Variants in CWC27 observed in about 807,000 individuals in gnomAD.
CWC27 encodes spliceosome-associated protein CWC27 homolog.
A neutral mutation model predicts 63.6 loss-of-function variants in CWC27; 47 were observed. The observed-to-expected ratio is 0.74, with a 90% CI of 0.58 to 0.94. CWC27 has a LOEUF of 0.94. Ranked by LOEUF, CWC27 falls within the 40% of genes least tolerant of loss-of-function variation. CWC27 has a pLI of 0.00. For synonymous variants in CWC27, 175 were observed against 179.8 expected, an observed-to-expected ratio of 0.97 and a Z score of 0.22; for missense variants, 495 against 554.3, an observed-to-expected ratio of 0.89 and a Z score of 1.07.
chr5:65,005,076 T>TC (rs1420674528), intron 13 of CWC27, among the ~76,000 whole-genome samples: 1 of 151,626 alleles, frequency 6.6e-6, no homozygotes, highest in African/African-American at 2.4e-5. Flanking sequence ...GTGTAGGCTG[T>TC]GGTGAGGCTT....
chr5:64,983,247 CA>C (rs1256568512), intron 13 of CWC27, among the ~76,000 whole-genome samples: 1 of 152,072 alleles, frequency 6.6e-6, no homozygotes, highest in African/African-American at 2.4e-5. Flanking sequence ...GCCTGCAAAA[CA>C]AAAAATTTAG....
chr5:64,836,284 G>A (rs1014457266), intron 10 of CWC27, among the ~76,000 whole-genome samples: 4 of 151,834 alleles, frequency 2.6e-5, no homozygotes, highest in Admixed American at 6.6e-5. Flanking sequence ...TTCATTTGTG[G>A]CTCTAGAAGA....
At chr5:64,912,201 G>A (rs1461146487) in intron 11 of CWC27, among the ~76,000 whole-genome samples, 2 of 152,068 alleles carry the variant, frequency 1.3e-5, no homozygotes, top group African/African-American at 4.8e-5. Flanking sequence ...TTTAGGCACT[G>A]GTAGAAGCCA....
At position 64,788,947 on chromosome 5, in the gene CWC27, C is replaced by A; in HGVS notation, c.600-4C>A. The A allele has an allele frequency of 1.3e-6, 2 of 1,534,982 alleles. No homozygotes were observed. Among genetic ancestry groups the A allele is most frequent in the Non-Finnish European group, 8.8e-7 (1 of 1,137,794 alleles). On this transcript the variant is annotated splice_polypyrimidine_tract_variant and splice_region_variant and intron_variant, in intron 6 of 13. Coordinates refer to ENST00000381070, the MANE Select transcript of CWC27 (RefSeq NM_005869.4). ...TTTTTTTTTCTTTCTTTTTTTTGGA[C>A]TAGAAATTTTAGTTTACTTTCATTT...
At chr5:64,869,612 T>C (rs1481897183) in intron 10 of CWC27, among the ~76,000 whole-genome samples, 1 of 152,062 alleles carries the variant, frequency 6.6e-6, no homozygotes, top group East Asian at 1.9e-4. Context: ...CACTAGTGAC[T>C]CTGAGGATAA....
At chr5:64,869,611 C>T (rs1029903776) in intron 10 of CWC27, among the ~76,000 whole-genome samples, 2 of 152,042 alleles carry the variant, frequency 1.3e-5, no homozygotes, top group Admixed American at 1.3e-4. Flanking sequence ...TCACTAGTGA[C>T]TCTGAGGATA....
intron 13 of CWC27, among the ~76,000 whole-genome samples, chr5:65,017,075 A>ACTT (rs1188048209): frequency 6.6e-6 from 1 of 152,136 alleles, no homozygotes; most frequent in Non-Finnish European, 1.5e-5. Flanking sequence ...TAATCCCAGC[A>ACTT]CTTTGGGAGG....
intron 11 of CWC27, among the ~76,000 whole-genome samples, chr5:64,939,637 C>G (rs1186299441): frequency 6.6e-6 from 1 of 152,178 alleles, no homozygotes; most frequent in African/African-American, 2.4e-5. Context: ...TAGCAGAGCT[C>G]GAGTGCTGTG....
intron 13 of CWC27, 37 bp downstream of exon 13, chr5:64,977,275 A>G: frequency 7.1e-7 from 1 of 1,403,276 alleles, no homozygotes; most frequent in South Asian, 1.2e-5. Flanking sequence ...ACCATGAACA[A>G]ATAGTCTCAG....
intron 10 of CWC27, among the ~76,000 whole-genome samples, chr5:64,824,673 T>G (rs1414651167): frequency 1.3e-5 from 2 of 151,254 alleles, no homozygotes; most frequent in Non-Finnish European, 2.9e-5. Flanking sequence ...TTTGTGGGTT[T>G]TTTTTTTTTT....
intron 10 of CWC27, among the ~76,000 whole-genome samples, chr5:64,833,373 T>C (rs1355227335): frequency 1.3e-5 from 2 of 151,794 alleles, no homozygotes; most frequent in Admixed American, 1.3e-4. Context: ...ACTTTGAATT[T>C]CTTTGATATC....
In CWC27 at chr5:64,990,214, T is replaced by C. The variant is rs866579735; in HGVS notation, c.1256+12976T>C. 6.4e-4 allele frequency among the ~76,000 whole-genome samples: 97 copies of C among 152,122 alleles called. 1 individual carries two copies. In the Middle Eastern group the frequency reaches 0.02, roughly 32 times the overall value. Reference sequence around the variant, plus strand: ...ACTGTCATTATGCTTTATGTAGCCTTTATCAGAGCTCTAGAGTTTTTATTT... The same window carrying C: ...ACTGTCATTATGCTTTATGTAGCCTCTATCAGAGCTCTAGAGTTTTTATTT... On this transcript the variant is annotated intron_variant, in intron 13 of 13. Coordinates refer to ENST00000381070, the MANE Select transcript of CWC27 (RefSeq NM_005869.4).
intron 11 of CWC27, among the ~76,000 whole-genome samples, chr5:64,935,884 G>T (rs1045202751): frequency 3.3e-5 from 5 of 152,154 alleles, no homozygotes; most frequent in African/African-American, 1.2e-4. Context: ...GTTCACTCAT[G>T]ATTTGGCTCT....
chr5:64,867,668 A>G (rs747691202), intron 10 of CWC27, among the ~76,000 whole-genome samples: 3 of 152,076 alleles, frequency 2.0e-5, no homozygotes, highest in Non-Finnish European at 4.4e-5. Context: ...TGAGAAAGTA[A>G]TATCAGCCAT....
rs397998002 is a variant in CWC27 at position 64,878,470 on chromosome 5, T to TAAAAAAAAAAAAAAAAAAAA, written c.939-6962_939-6943dup. Reference sequence around the variant, plus strand: ...GTCAGCACTGTCCTGGGTTACAGATTAAAAAAAAAAAAAAAAAAAAAAAAA... The same window carrying TAAAAAAAAAAAAAAAAAAAA: ...GTCAGCACTGTCCTGGGTTACAGATTAAAAAAAAAAAAAAAAAAAAAAAAAAAAAAAAAAAAAAAAAAAAA... On this transcript the variant is annotated intron_variant, in intron 10 of 13. Transcript: ENST00000381070. 7.4e-4 allele frequency among the ~76,000 whole-genome samples: 20 copies of TAAAAAAAAAAAAAAAAAAAA among 26,934 alleles called. 6 individuals carry two copies. Among genetic ancestry groups the TAAAAAAAAAAAAAAAAAAAA allele is most frequent in the Admixed American group, 9.7e-4 (2 of 2,070 alleles). 17.7% of individuals were successfully genotyped at this position (26,934 alleles called of 152,430 possible).
intron 11 of CWC27, among the ~76,000 whole-genome samples, chr5:64,893,367 A>G (rs1747287108): frequency 6.6e-6 from 1 of 152,230 alleles, no homozygotes. Flanking sequence ...TGGGAAAGAT[A>G]TTCTTTTCAC....
intron 13 of CWC27, among the ~76,000 whole-genome samples, chr5:65,004,861 C>CATATATAT (rs1170127729): frequency 3.1e-3 from 142 of 45,412 alleles, no homozygotes; most frequent in Non-Finnish European, 3.9e-3. Flanking sequence ...AAGACTTTTT[C>CATATATAT]ATATATATAT....
At chr5:64,908,475 G>C (rs979691162) in intron 11 of CWC27, among the ~76,000 whole-genome samples, 4 of 152,188 alleles carry the variant, frequency 2.6e-5, no homozygotes, top group Non-Finnish European at 5.9e-5. Flanking sequence ...GTCTAATATT[G>C]ACAGTGGGTT....
chr5:65,007,019 AAAG>A (rs1749859935), intron 13 of CWC27, among the ~76,000 whole-genome samples: 1 of 146,370 alleles, frequency 6.8e-6, no homozygotes. Flanking sequence ...AGAAAGAAAG[AAAG>A]AAAAGAAAGA....
Sources: allele counts gnomAD v4.1 joint callset (sites outside exome capture counted in the v4.1 genomes callset), GRCh38; gene constraint gnomAD v4.1.1; transcripts MANE v1.5; gene names NCBI Gene and HGNC (gene_info 2026-07-23, HGNC 2026-07-21).